The following PCDH9 variants were observed in gnomAD, a reference collection of about 807,000 sequenced individuals.
PCDH9 encodes the protein protocadherin 9, also known as protocadherin-9.
In PCDH9, 24 loss-of-function variants were observed where a neutral mutation model predicts 70.6. The ratio of observed to expected loss-of-function variants is 0.34; its 90% CI spans 0.25 to 0.48. PCDH9 has a LOEUF of 0.48. Among genes scored for constraint, PCDH9 ranks in the 20% least tolerant of loss-of-function variants. The pLI, the probability that PCDH9 is intolerant of heterozygous loss-of-function variation, is 0.99. For synonymous variants in PCDH9, 562 were observed against 558.5 expected (o/e 1.01, Z -0.09); for missense variants, 1,281 against 1,503.6 (o/e 0.85, Z 2.45).
chr13:66,391,883 C>CATATATATATATATAT (rs140840857), intron 4 of PCDH9, among the ~76,000 whole-genome samples: 128 of 143,244 alleles, frequency 8.9e-4, no homozygotes, highest in African/African-American at 2.9e-3. Flanking sequence ...GCCATATATG[C>CATATATATATATATAT]ATATATATAT....
intron 3 of PCDH9, among the ~76,000 whole-genome samples, chr13:66,637,900 C>G (rs1445064899): frequency 7.5e-6 from 1 of 133,400 alleles, no homozygotes; most frequent in Non-Finnish European, 1.6e-5. Flanking sequence ...GGCGAGAGAG[C>G]AAGACTCCTT....
intron 2 of PCDH9, among the ~76,000 whole-genome samples, chr13:67,145,597 A>G (rs575496995): frequency 7.8e-6 from 1 of 127,690 alleles, no homozygotes; most frequent in African/African-American, 2.5e-5. Flanking sequence ...ATGGTAGACT[A>G]TACAAAAAAA....
At chr13:67,043,858 T>C (rs1373996353) in intron 2 of PCDH9, among the ~76,000 whole-genome samples, 1 of 151,844 alleles carries the variant, frequency 6.6e-6, no homozygotes, top group Non-Finnish European at 1.5e-5. Context: ...TGTAGGAGAG[T>C]AGTGCTGATT....
chr13:66,479,868 C>T (rs558553573), intron 4 of PCDH9, among the ~76,000 whole-genome samples: 75 of 152,282 alleles, frequency 4.9e-4, no homozygotes, highest in African/African-American at 1.8e-3. Context: ...ATCAGCAGGA[C>T]GTGGGCAGGG....
chr13:66,691,375 C>T (rs939622672), intron 3 of PCDH9, among the ~76,000 whole-genome samples: 13 of 152,098 alleles, frequency 8.5e-5, no homozygotes, highest in African/African-American at 3.1e-4. Flanking sequence ...CTATGTACTT[C>T]CATTGACATA....
intron 4 of PCDH9, among the ~76,000 whole-genome samples, chr13:66,475,124 A>G (rs1958697636): frequency 6.6e-6 from 1 of 152,118 alleles, no homozygotes; most frequent in Non-Finnish European, 1.5e-5. Flanking sequence ...TGAATATAAC[A>G]ACATGCTTTT....
intron 4 of PCDH9, among the ~76,000 whole-genome samples, chr13:66,621,835 C>G (rs2077425310): frequency 1.3e-5 from 2 of 152,368 alleles, no homozygotes; most frequent in East Asian, 3.9e-4. Context: ...TGCCTGGGCT[C>G]CCACTTTGGT....
chr13:66,381,512 G>C (rs7994664), intron 4 of PCDH9, among the ~76,000 whole-genome samples: 118 of 152,148 alleles, frequency 7.8e-4, no homozygotes, highest in African/African-American at 2.8e-3. Context: ...AACAATATTG[G>C]CTTTTTGTAA....
intron 4 of PCDH9, among the ~76,000 whole-genome samples, chr13:66,596,348 GT>G (rs1338957213): frequency 1.3e-5 from 2 of 151,496 alleles, no homozygotes; most frequent in African/African-American, 4.8e-5. Context: ...GTGTCCATTT[GT>G]TTTAGAAGAA....
chr13:66,604,221 T>C (rs1250214640), intron 4 of PCDH9, among the ~76,000 whole-genome samples: 1 of 152,058 alleles, frequency 6.6e-6, no homozygotes, highest in Non-Finnish European at 1.5e-5. Context: ...GTTCTTCTTC[T>C]GCATGCTTCA....
intron 3 of PCDH9, among the ~76,000 whole-genome samples, chr13:66,782,436 G>A (rs1478723804): frequency 6.6e-6 from 1 of 152,054 alleles, no homozygotes; most frequent in East Asian, 1.9e-4. Flanking sequence ...GCGGCCCAAT[G>A]TGGTAGTCAC....
At chr13:66,419,530 C>A (rs1272944338) in intron 4 of PCDH9, among the ~76,000 whole-genome samples, 2 of 151,766 alleles carry the variant, frequency 1.3e-5, no homozygotes, top group African/African-American at 2.4e-5. Context: ...TGGGGCGTTG[C>A]CTCACCCCAG....
chr13:67,032,422 C>T (rs1262463580), intron 2 of PCDH9, among the ~76,000 whole-genome samples: 2 of 152,062 alleles, frequency 1.3e-5, no homozygotes, highest in South Asian at 4.1e-4. Context: ...CCTAGGCCTC[C>T]CAAAGTGCTG....
intron 3 of PCDH9, among the ~76,000 whole-genome samples, chr13:66,822,415 CATT>C (rs879726537): frequency 8.6e-5 from 13 of 151,020 alleles, no homozygotes; most frequent in Non-Finnish European, 1.8e-4. Flanking sequence ...TGTTCAAAGT[CATT>C]ATAAAAGATG....
chr13:66,654,463 A>G (rs1205124167), intron 3 of PCDH9, among the ~76,000 whole-genome samples: 1 of 152,056 alleles, frequency 6.6e-6, no homozygotes, highest in African/African-American at 2.4e-5. Context: ...AATTACTATA[A>G]GAGTATAATT....
At chr13:66,872,973 A>G (rs1220548031) in intron 3 of PCDH9, among the ~76,000 whole-genome samples, 1 of 152,162 alleles carries the variant, frequency 6.6e-6, no homozygotes, top group Non-Finnish European at 1.5e-5. Flanking sequence ...TGATAGGAAG[A>G]AGATAGCTTC....
intron 4 of PCDH9, among the ~76,000 whole-genome samples, chr13:66,553,518 A>C (rs949022647): frequency 6.6e-6 from 1 of 152,210 alleles, no homozygotes; most frequent in African/African-American, 2.4e-5. Context: ...ACAAATGCCC[A>C]AAAACAGAGC....
intron 3 of PCDH9, among the ~76,000 whole-genome samples, chr13:66,790,754 C>T (rs964396227): frequency 6.6e-6 from 1 of 151,842 alleles, no homozygotes; most frequent in Non-Finnish European, 1.5e-5. Flanking sequence ...TATATAATTC[C>T]AAATAATGTT....
rs546734989 is a variant in PCDH9, at chr13:66,597,101, G to A, written c.3340+34109C>T. On this transcript the variant is annotated intron_variant, in intron 4 of 4. Transcript: ENST00000377865. ...TGACATTAGTCAGCTGACCATCTAT[G>A]TCTTTAAAAATAAAGAACTAGTCAA... is the stretch of plus-strand genomic sequence containing the variant. Among the ~76,000 whole-genome samples the A allele has an allele frequency of 2.0e-5, 3 of 151,646 alleles. No individual in the cohort carries two copies. In the South Asian group the frequency reaches 6.2e-4, roughly 31 times the overall value.
Sources: gnomAD v4.1 joint callset for allele counts (sites outside exome capture counted in the v4.1 genomes callset) on GRCh38, gnomAD v4.1.1 for gene constraint, MANE v1.5 for transcripts, NCBI Gene and HGNC (gene_info 2026-07-23, HGNC 2026-07-21) for gene names.